Variants in NEDD9 observed in about 807,000 individuals in gnomAD.
The protein encoded by NEDD9 is enhancer of filamentation 1.
In NEDD9, 26 loss-of-function variants were observed where a neutral mutation model predicts 76.6. The observed-to-expected ratio is 0.34, with a 90% confidence interval of 0.25 to 0.47. The LOEUF (loss-of-function observed/expected upper bound fraction) is 0.47. NEDD9 is among the 20% of genes least tolerant of loss of function. NEDD9 has a pLI of 1.00. For synonymous variants in NEDD9, 392 were observed against 414.2 expected (o/e 0.95, Z 0.65); for missense variants, 937 against 1,058.5 (o/e 0.89, Z 1.59).
chr6:11,275,453 A>G (rs1262084477), intron 3 of NEDD9, among the ~76,000 whole-genome samples: 3 of 151,590 alleles, frequency 2.0e-5, no homozygotes, highest in Non-Finnish European at 4.4e-5. Flanking sequence ...TATGTTAATT[A>G]GCTTGATTTA....
intron 3 of NEDD9, among the ~76,000 whole-genome samples, chr6:11,280,966 C>T (rs1012434830): frequency 6.6e-6 from 1 of 152,226 alleles, no homozygotes; most frequent in East Asian, 1.9e-4. Flanking sequence ...GATACATGGA[C>T]CTTCAAGGCC....
chr6:11,333,984 G>T (rs184377260), intron 2 of NEDD9, among the ~76,000 whole-genome samples: 1 of 152,308 alleles, frequency 6.6e-6, no homozygotes, highest in African/African-American at 2.4e-5. Flanking sequence ...AAAAGTTGGG[G>T]TTGCTCAGTT....
chr6:11,199,133 C>T (rs901033515), intron 2 of NEDD9: 4 of 152,148 alleles, frequency 2.6e-5, no homozygotes, highest in African/African-American at 9.7e-5. Context: ...CCAAAACAAA[C>T]CCTGCTTTTT....
intron 3 of NEDD9, among the ~76,000 whole-genome samples, chr6:11,297,354 T>G (rs1311930082): frequency 6.6e-6 from 1 of 152,176 alleles, no homozygotes; most frequent in Non-Finnish European, 1.5e-5. Flanking sequence ...ACACTGATAT[T>G]AGTGCAGTTC....
At chr6:11,295,878 C>T (rs758645780) in intron 3 of NEDD9, among the ~76,000 whole-genome samples, 19 of 152,158 alleles carry the variant, frequency 1.2e-4, no homozygotes, top group Non-Finnish European at 2.2e-4. Flanking sequence ...TTCCTGTAGA[C>T]ACATTACACC....
intron 2 of NEDD9, chr6:11,201,016 A>G (rs1462160661): frequency 1.9e-6 from 3 of 1,614,180 alleles, no homozygotes; most frequent in African/African-American, 1.3e-5. Context: ...CTCACTAAGA[A>G]ATAGGACACT....
chr6:11,208,970 A>G (rs72827125), intron 2 of NEDD9, among the ~76,000 whole-genome samples: 3,012 of 152,312 alleles, frequency 0.02, 46 homozygotes, highest in South Asian at 0.046. Flanking sequence ...TTTATAATTC[A>G]GTTTTTCAAA....
At chr6:11,354,629 C>A (rs1762531874) in intron 1 of NEDD9, among the ~76,000 whole-genome samples, 1 of 152,200 alleles carries the variant, frequency 6.6e-6, no homozygotes, top group Non-Finnish European at 1.5e-5. Context: ...TTTTCACCTA[C>A]CCAGCATCTG....
At chr6:11,201,043 A>G in intron 2 of NEDD9, 1 of 1,614,244 alleles carries the variant, frequency 6.2e-7, no homozygotes. Context: ...TCTCTCTGGA[A>G]CACCTAGAGA....
intron 2 of NEDD9, chr6:11,334,459 C>A (rs550391062): frequency 2.0e-5 from 3 of 152,178 alleles, no homozygotes; most frequent in South Asian, 4.1e-4. Context: ...TTCATGCCAC[C>A]GCTACCACTG....
intron 1 of NEDD9, among the ~76,000 whole-genome samples, chr6:11,214,802 T>C (rs1040234988): frequency 2.0e-5 from 3 of 152,182 alleles, no homozygotes; most frequent in Non-Finnish European, 2.9e-5. Context: ...ACACTAAAAG[T>C]GAACTCTAAT....
In NEDD9 at chr6:11,198,041, A is replaced by G. The variant is rs1758332244; in HGVS notation, c.460-4349T>C. Among the ~76,000 whole-genome samples the G allele has an allele frequency of 1.3e-5, 2 of 152,148 alleles. No homozygotes were observed. The highest frequency in any genetic ancestry group is 1.3e-4 in the Admixed American group (2 of 15,272). On this transcript the variant is annotated intron_variant, in intron 2 of 6. Coordinates refer to ENST00000379446, the MANE Select transcript of NEDD9 (RefSeq NM_006403.4). The surrounding 1 kb of genome is among the most constrained non-coding windows in gnomAD (Gnocchi z 4.7). ...ATACTCAGATGCTCACGGACCGAGCAAGCAGGGTGTAGGGAAGAAACAAGC... is the reference window on the plus strand; with the variant it reads ...ATACTCAGATGCTCACGGACCGAGCGAGCAGGGTGTAGGGAAGAAACAAGC...
rs144551800 is a variant in NEDD9 at position 11,315,574 on chromosome 6, C to T, written c.-152-9419G>A. On this transcript the variant is annotated intron_variant, in intron 2 of 3. Coordinates refer to the NEDD9 transcript ENST00000397378. ...TTGGACATACTTGAATTTGGCTGAA[C>T]AGCCAAATTGGGTGGTTTGGCTCAA... 4.9e-4 allele frequency among the ~76,000 whole-genome samples: 75 copies of T among 152,336 alleles called. No individual in the cohort carries two copies. In the East Asian group the frequency reaches 0.012, roughly 25 times the overall value.
chr6:11,219,803 T>C (rs76771100), intron 1 of NEDD9, among the ~76,000 whole-genome samples: 1,698 of 152,282 alleles, frequency 0.011, 30 homozygotes, highest in African/African-American at 0.038. Flanking sequence ...ACCTTTGGGA[T>C]AGAGGGGGAT....
chr6:11,190,058 G>A lies in NEDD9; in HGVS notation c.1811C>T (p.Pro604Leu). 6.3e-7 allele frequency: 1 copy of A among 1,593,388 alleles called. No individual in the cohort carries two copies. Among genetic ancestry groups the A allele is most frequent in the Non-Finnish European group, 8.6e-7 (1 of 1,168,796 alleles). Residue 604 changes from proline to leucine, a missense_variant, in exon 5 of 7, where the codon CCC becomes CTC. Pro to Leu is a moderately conservative substitution (Grantham distance 98). Coordinates refer to ENST00000379446, the MANE Select transcript of NEDD9 (RefSeq NM_006403.4). The surrounding 1 kb of genome is among the most constrained non-coding windows in gnomAD (Gnocchi z 5.8). ...GGCCTGCTCCTTGCTCAGGCCTGGG[G>A]GCAGTGCCTTGTTGTGGGCCTGGGC... ...HKAQAHNKAL[P>L]PGLSKEQAPD...
chr6:11,357,054 A>AT (rs1762589964), intron 1 of NEDD9, among the ~76,000 whole-genome samples: 1 of 151,956 alleles, frequency 6.6e-6, no homozygotes, highest in Admixed American at 6.6e-5. Context: ...TTGAGCCACC[A>AT]TTTTTTGGAG....
At chr6:11,283,893 C>T (rs760425580) in intron 3 of NEDD9, among the ~76,000 whole-genome samples, 5 of 152,088 alleles carry the variant, frequency 3.3e-5, no homozygotes, top group Admixed American at 6.5e-5. Context: ...ATGAGAGGCA[C>T]ACAGAGCCTT....
intron 3 of NEDD9, among the ~76,000 whole-genome samples, chr6:11,288,507 G>C (rs1181031176): frequency 6.6e-6 from 1 of 152,208 alleles, no homozygotes; most frequent in East Asian, 1.9e-4. Flanking sequence ...TTAGAATGCT[G>C]CTGTCAATGG....
chr6:11,200,729 T>C, intron 2 of NEDD9: 2 of 1,349,198 alleles, frequency 1.5e-6, no homozygotes, highest in Middle Eastern at 2.8e-4. Flanking sequence ...CAGCAAATGG[T>C]AAGAGACAGT....
Sources: allele counts gnomAD v4.1 joint callset (sites outside exome capture counted in the v4.1 genomes callset), GRCh38; gene constraint gnomAD v4.1.1; non-coding constraint Gnocchi (gnomAD v3.1); transcripts MANE v1.5; gene names NCBI Gene and HGNC (gene_info 2026-07-23, HGNC 2026-07-21).